The following MYOM1 variants were observed in gnomAD, a reference collection of about 807,000 sequenced individuals.
MYOM1 encodes myomesin-1.
MYOM1 carries 164 observed loss-of-function variants against 205.3 expected under a neutral mutation model. The ratio of observed to expected loss-of-function variants is 0.80; its 90% CI spans 0.70 to 0.91. The LOEUF (loss-of-function observed/expected upper bound fraction) is 0.91, where lower values mean the gene tolerates loss of function less well. Ranked by LOEUF, MYOM1 falls within the 40% of genes least tolerant of loss-of-function variation. The pLI is 0.00. For synonymous variants in MYOM1, 772 were observed against 789.4 expected, an observed-to-expected ratio of 0.98 and a Z score of 0.37; for missense variants, 2,011 against 2,127.3, an observed-to-expected ratio of 0.95 and a Z score of 1.08.
Position 3,157,319 on chromosome 18 carries a change from CTCATTCATTCTCTCAT to C in MYOM1, c.1502-2247_1502-2232del, listed in dbSNP as rs368220076. ...TCCAAGTTACTCAGGCATTCATTCT[CTCATTCATTCTCTCAT>C]TCATTCATTCTCTCATTCATTCATT... On this transcript the variant is annotated intron_variant, in intron 10 of 37. Transcript: ENST00000356443. Among the ~76,000 whole-genome samples, 232 of 152,172 alleles carry C rather than the reference CTCATTCATTCTCTCAT, an allele frequency of 1.5e-3. 3 individuals are homozygous for C. Among genetic ancestry groups the C allele is most frequent in the African/African-American group, 5.1e-3 (213 of 41,504 alleles).
rs34446814 is a variant in MYOM1 at position 3,197,136 on chromosome 18, CTT to C, written c.291-3180_291-3179del. 2.5e-3 allele frequency among the ~76,000 whole-genome samples: 329 copies of C among 132,468 alleles called. 5 individuals carry two copies. In the South Asian group the frequency reaches 0.058, roughly 23 times the overall value. 86.9% of individuals were successfully genotyped at this position (132,468 alleles called of 152,430 possible). On this transcript the variant is annotated intron_variant, in intron 2 of 37. Transcript: ENST00000356443. ...CACTATACCAGTCATCTCCAACTTCCTTTTTTTTTTTTTTTTTTGAGACGGAG... is the reference window on the plus strand; with the variant it reads ...CACTATACCAGTCATCTCCAACTTCCTTTTTTTTTTTTTTTTGAGACGGAG...
At chr18:3,197,679 C>T (rs894948275) in intron 2 of MYOM1, among the ~76,000 whole-genome samples, 11 of 151,734 alleles carry the variant, frequency 7.2e-5, no homozygotes, top group South Asian at 4.2e-4. Context: ...CGAGACCATC[C>T]TAGCTAACAT....
the MYOM1 span, among the ~76,000 whole-genome samples, chr18:3,230,088 T>C: frequency 6.6e-6 from 1 of 152,200 alleles, no homozygotes; most frequent in Non-Finnish European, 1.5e-5. Context: ...ATCCCACTAT[T>C]TGGCTTTCCT....
At chr18:3,130,448 T>TTTTA (rs1176276824) in intron 17 of MYOM1, among the ~76,000 whole-genome samples, 1 of 152,098 alleles carries the variant, frequency 6.6e-6, no homozygotes, top group Non-Finnish European at 1.5e-5. Flanking sequence ...ATAAATTTTA[T>TTTTA]TTTATTTATT....
chr18:3,171,873 A>G (rs2080562436), intron 8 of MYOM1, among the ~76,000 whole-genome samples: 1 of 152,176 alleles, frequency 6.6e-6, no homozygotes, highest in Non-Finnish European at 1.5e-5. Context: ...TATGGCCCAC[A>G]AAGTCTACAA....
intron 19 of MYOM1, among the ~76,000 whole-genome samples, chr18:3,122,493 G>T (rs2079710134): frequency 6.6e-6 from 1 of 152,206 alleles, no homozygotes; most frequent in African/African-American, 2.4e-5. Context: ...TTTTAAATGA[G>T]TGAACTTTAT....
chr18:3,078,570 T>C (rs779698239), intron 34 of MYOM1, among the ~76,000 whole-genome samples: 24 of 152,078 alleles, frequency 1.6e-4, no homozygotes, highest in Non-Finnish European at 2.6e-4. Flanking sequence ...GTAGGGATTA[T>C]AGGCATATGC....
chr18:3,247,342 C>G, the MYOM1 span: 9 of 152,328 alleles, frequency 5.9e-5, no homozygotes, highest in Non-Finnish European at 1.0e-4. Context: ...GGCGGAGACC[C>G]AGACCCCGCG....
chr18:3,075,622 C>T (rs747615672), intron 35 of MYOM1, 103 bp downstream of exon 35: 4 of 1,445,144 alleles, frequency 2.8e-6, no homozygotes, highest in Non-Finnish European at 3.9e-6. Context: ...ACTGTACTTT[C>T]TGAAATAAAA....
chr18:3,246,325 C>A, the MYOM1 span: 10 of 152,250 alleles, frequency 6.6e-5, no homozygotes, highest in African/African-American at 2.2e-4. Flanking sequence ...TCCCCGCCCT[C>A]GCCGATAAGA....
At chr18:3,069,209 C>T (rs1191941437) in intron 37 of MYOM1, among the ~76,000 whole-genome samples, 1 of 152,196 alleles carries the variant, frequency 6.6e-6, no homozygotes, top group Non-Finnish European at 1.5e-5. Flanking sequence ...TTGTTGTACA[C>T]CAGCCCACCC....
Position 3,085,001 on chromosome 18 carries a change from A to T in MYOM1, c.4339+44T>A, listed in dbSNP as rs1029317969. The T allele has an allele frequency of 2.1e-6, 3 of 1,410,736 alleles. No homozygotes were observed. The African/African-American group carries it at 4.3e-5, about 20-fold the overall frequency. 87.4% of individuals were successfully genotyped at this position (1,410,736 alleles called of 1,614,324 possible). ...CTCAATCATCATTCTGGTAAGCTGT[A>T]TGCAGAAACACACAAGACAGACCCC... On this transcript the variant is annotated intron_variant, in intron 31 of 37. Transcript: ENST00000356443.
At position 3,079,301 on chromosome 18, in the gene MYOM1, AC is replaced by A. The variant is rs756351273; in HGVS notation, c.4525del (p.Val1509SerfsTer53). 10 of 1,613,502 alleles carry A rather than the reference AC, an allele frequency of 6.2e-6. No individual in the cohort carries two copies. In the South Asian group the frequency reaches 1.1e-4, roughly 18 times the overall value. ...TTGTAGCCAGATCTGCTCTCCAGTG[AC>A]CCCGGTCTTAACTCTGTCTGAGTAC... ...IRYSDRVKTG[V>X]TGEQIWLQIN... On this transcript the variant is annotated frameshift_variant, in exon 34 of 38. Transcript: ENST00000356443. LOFTEE classifies it high-confidence loss of function.
intron 10 of MYOM1, among the ~76,000 whole-genome samples, chr18:3,156,374 ATCTG>A (rs1244389319): frequency 6.6e-6 from 1 of 152,234 alleles, no homozygotes; most frequent in Non-Finnish European, 1.5e-5. Context: ...TAGCAGAAAT[ATCTG>A]TCTACTTCTG....
At chr18:3,106,108 G>A (rs1010121529) in intron 22 of MYOM1, among the ~76,000 whole-genome samples, 1 of 152,100 alleles carries the variant, frequency 6.6e-6, no homozygotes, top group Non-Finnish European at 1.5e-5. Flanking sequence ...ATCATATTAG[G>A]TATTGTAAGT....
At chr18:3,159,533 A>G (rs1389601167) in intron 10 of MYOM1, among the ~76,000 whole-genome samples, 1 of 152,252 alleles carries the variant, frequency 6.6e-6, no homozygotes, top group East Asian at 1.9e-4. Flanking sequence ...AAATGAAGAT[A>G]TAGGCCTATA....
intron 16 of MYOM1, among the ~76,000 whole-genome samples, chr18:3,132,727 A>G (rs1287288174): frequency 6.6e-6 from 1 of 152,210 alleles, no homozygotes; most frequent in Non-Finnish European, 1.5e-5. Context: ...TCTGAAGATA[A>G]GGTGAACAAT....
chr18:3,181,710 G>C (rs57957839), intron 5 of MYOM1, among the ~76,000 whole-genome samples: 3,680 of 149,314 alleles, frequency 0.025, 149 homozygotes, highest in African/African-American at 0.085. Flanking sequence ...ATTTGACAAC[G>C]ACCTTTGGGT....
chr18:3,158,338 TTACTC>T (rs758899073), intron 10 of MYOM1, among the ~76,000 whole-genome samples: 11 of 152,250 alleles, frequency 7.2e-5, no homozygotes, highest in South Asian at 2.1e-4. Flanking sequence ...CTATTATACT[TTACTC>T]TACAACTTGC....
Sources: allele counts gnomAD v4.1 joint callset (sites outside exome capture counted in the v4.1 genomes callset), GRCh38; gene constraint gnomAD v4.1.1; transcripts MANE v1.5; gene names NCBI Gene and HGNC (gene_info 2026-07-23, HGNC 2026-07-21).